The following LDB2 variants were observed in gnomAD, a reference collection of about 807,000 sequenced individuals.
The protein encoded by LDB2 is LIM domain-binding protein 2.
Under a neutral mutation model 44.3 loss-of-function variants are expected in LDB2, and 12 were observed. The observed-to-expected ratio is 0.27, with a 90% CI of 0.17 to 0.44. LDB2 has a LOEUF of 0.44. Ranked by LOEUF, LDB2 falls within the 20% of genes least tolerant of loss-of-function variation. The pLI is 1.00. For missense variants in LDB2, 344 were observed against 473.5 expected, an observed-to-expected ratio of 0.73 and a Z score of 2.54; for synonymous variants, 164 against 174.8, an observed-to-expected ratio of 0.94 and a Z score of 0.49.
intron 2 of LDB2, among the ~76,000 whole-genome samples, chr4:16,727,565 C>A (rs915782152): frequency 6.6e-6 from 1 of 152,222 alleles, no homozygotes; most frequent in Non-Finnish European, 1.5e-5. Context: ...GGCTTTTCCC[C>A]TTCTGTCTCC....
intron 2 of LDB2, among the ~76,000 whole-genome samples, chr4:16,695,194 T>C (rs1751821129): frequency 6.6e-6 from 1 of 152,178 alleles, no homozygotes; most frequent in African/African-American, 2.4e-5. Flanking sequence ...GTACGGTACC[T>C]ACAGTTTTTT....
At chr4:16,561,684 C>T (rs2152380283) in intron 5 of LDB2, among the ~76,000 whole-genome samples, 1 of 152,118 alleles carries the variant, frequency 6.6e-6, no homozygotes, top group East Asian at 1.9e-4. Context: ...CATCAAGCCA[C>T]CAATGACTTT....
At chr4:16,819,058 C>T (rs2159277) in intron 1 of LDB2, among the ~76,000 whole-genome samples, 29,568 of 151,362 alleles carry the variant, frequency 0.2, 3,186 homozygotes, top group Non-Finnish European at 0.23. Context: ...AGAATGAGTA[C>T]TGCTTGTGAA....
At chr4:16,840,520 T>A (rs886319600) in intron 1 of LDB2, among the ~76,000 whole-genome samples, 3 of 152,160 alleles carry the variant, frequency 2.0e-5, no homozygotes, top group Admixed American at 1.3e-4. Flanking sequence ...GAAGGCCATA[T>A]CCACTGTGCG....
At chr4:16,871,959 A>G (rs1716785650) in intron 1 of LDB2, among the ~76,000 whole-genome samples, 1 of 152,156 alleles carries the variant, frequency 6.6e-6, no homozygotes, top group Admixed American at 6.5e-5. Flanking sequence ...TGAAAATTAC[A>G]TTTGGGCTAT....
intron 1 of LDB2, among the ~76,000 whole-genome samples, chr4:16,784,978 G>A (rs1055353001): frequency 6.7e-6 from 1 of 150,088 alleles, no homozygotes; most frequent in Non-Finnish European, 1.5e-5. Context: ...TTATTACAAT[G>A]AGTGGGTGTT....
intron 1 of LDB2, among the ~76,000 whole-genome samples, chr4:16,851,741 C>G (rs1243657629): frequency 6.7e-6 from 1 of 148,550 alleles, no homozygotes; most frequent in Non-Finnish European, 1.5e-5. Flanking sequence ...GTCAAACTGT[C>G]TTAAGAGCAA....
chr4:16,892,019 A>G (rs1723557688), intron 1 of LDB2, among the ~76,000 whole-genome samples: 1 of 152,210 alleles, frequency 6.6e-6, no homozygotes. Context: ...AGATATTAGT[A>G]TCATACGATG....
intron 2 of LDB2, among the ~76,000 whole-genome samples, chr4:16,649,571 C>A (rs1329705294): frequency 6.6e-6 from 1 of 152,188 alleles, no homozygotes; most frequent in East Asian, 1.9e-4. Context: ...TACCAGAAAT[C>A]TTGGGAGCTA....
chr4:16,891,030 G>A (rs61574382), intron 1 of LDB2, among the ~76,000 whole-genome samples: 6,774 of 151,946 alleles, frequency 0.045, 238 homozygotes, highest in South Asian at 0.087. Flanking sequence ...CCTGAAAAGG[G>A]AGCCAATACT....
intron 5 of LDB2, among the ~76,000 whole-genome samples, chr4:16,520,404 G>A (rs1231692951): frequency 2.6e-5 from 4 of 152,084 alleles, no homozygotes; most frequent in Non-Finnish European, 5.9e-5. Flanking sequence ...GAAGAACAAG[G>A]GATAGAGGAA....
chr4:16,891,304 C>CTTTTT (rs559119712), intron 1 of LDB2, among the ~76,000 whole-genome samples: 4 of 77,548 alleles, frequency 5.2e-5, no homozygotes, highest in East Asian at 4.1e-4. Flanking sequence ...CTTAAGTATT[C>CTTTTT]TTTTTTTTTT....
At chr4:16,583,966 G>C (rs1715763663) in intron 5 of LDB2, among the ~76,000 whole-genome samples, 1 of 152,218 alleles carries the variant, frequency 6.6e-6, no homozygotes, top group African/African-American at 2.4e-5. Context: ...AAACTGCCAG[G>C]AGTAATGAGT....
At chr4:16,704,091 C>T (rs186200090) in intron 2 of LDB2, among the ~76,000 whole-genome samples, 39 of 152,134 alleles carry the variant, frequency 2.6e-4, no homozygotes, top group Admixed American at 2.2e-3. Context: ...GTAGAGTCAA[C>T]AAGACTGAAA....
intron 2 of LDB2, among the ~76,000 whole-genome samples, chr4:16,755,472 GGTGTGTGT>G (rs58186199): frequency 0.27 from 32,219 of 118,528 alleles, 3,359 homozygotes; most frequent in South Asian, 0.35. Flanking sequence ...GTAGGAATAG[GGTGTGTGT>G]GTGTGTGTGT....
At chr4:16,873,741 G>A (rs1256008704) in intron 1 of LDB2, among the ~76,000 whole-genome samples, 3 of 151,884 alleles carry the variant, frequency 2.0e-5, no homozygotes, top group East Asian at 3.9e-4. Flanking sequence ...TCCTATTGAC[G>A]TATAATGTGT....
chr4:16,743,831 C>CT (rs1763826498), intron 2 of LDB2, among the ~76,000 whole-genome samples: 1 of 152,184 alleles, frequency 6.6e-6, no homozygotes, highest in East Asian at 1.9e-4. Flanking sequence ...GCAACCTAGC[C>CT]TGGACTCCTG....
At chr4:16,645,969 C>G (rs1272355634) in intron 2 of LDB2, among the ~76,000 whole-genome samples, 1 of 152,156 alleles carries the variant, frequency 6.6e-6, no homozygotes, top group African/African-American at 2.4e-5. Flanking sequence ...TGGAGAGCAC[C>G]CACTCTGGGG....
intron 5 of LDB2, among the ~76,000 whole-genome samples, chr4:16,522,051 A>G (rs1726308925): frequency 6.6e-6 from 1 of 152,146 alleles, no homozygotes; most frequent in Non-Finnish European, 1.5e-5. Flanking sequence ...CCCATCGGCA[A>G]GATTGGTATA....
Sources: gnomAD v4.1 joint callset for allele counts (sites outside exome capture counted in the v4.1 genomes callset) on GRCh38, gnomAD v4.1.1 for gene constraint, MANE v1.5 for transcripts, NCBI Gene and HGNC (gene_info 2026-07-23, HGNC 2026-07-21) for gene names.